Variants in CPB1 observed in about 807,000 individuals in gnomAD.
CPB1 encodes carboxypeptidase B.
A neutral mutation model predicts 51.4 loss-of-function variants in CPB1; 53 were observed. The ratio of observed to expected loss-of-function variants is 1.03; its 90% CI spans 0.83 to 1.30. The LOEUF is 1.30. CPB1 is among the 50% of genes most tolerant of loss of function. The pLI is 0.00. For missense variants in CPB1, 494 were observed against 516.2 expected (o/e 0.96, Z 0.42); for synonymous variants, 189 against 186.9 (o/e 1.01, Z -0.09).
chr3:148,850,291 TTTG>T (rs1713385495), intron 9 of CPB1, among the ~76,000 whole-genome samples: 2 of 150,808 alleles, frequency 1.3e-5, no homozygotes, highest in African/African-American at 4.9e-5. Context: ...GTTTTTTTTG[TTTG>T]TTTGTTTGTT....
chr3:148,852,984 G>C (rs1207111214), intron 9 of CPB1, among the ~76,000 whole-genome samples: 1 of 152,072 alleles, frequency 6.6e-6, no homozygotes, highest in Non-Finnish European at 1.5e-5. Context: ...TAGACCGTAA[G>C]GGCTTCTTCT....
rs554221035 is a variant in CPB1 at position 148,860,080 on chromosome 3, C to T, written c.*78C>T. The T allele has an allele frequency of 8.9e-6, 13 of 1,454,190 alleles. No individual in the cohort carries two copies. In the South Asian group the frequency reaches 1.7e-4, roughly 19 times the overall value. The allele number at this position is 1,454,190 out of a possible 1,614,324, so 90.1% of individuals were successfully genotyped here. On this transcript the variant is annotated 3_prime_UTR_variant, in exon 11 of 11. Transcript: ENST00000282957. The stretch of plus-strand genomic sequence containing the variant: ...TTCTTGAATTCTTATTTTGGTTTGC[C>T]TGGATGTTTTGCAGATCCCAATCTT...
chr3:148,860,152 T>C lies in CPB1; in HGVS notation c.*150T>C, dbSNP rs936656961. The stretch of plus-strand genomic sequence containing the variant: ...TTAAACTAGGTAGATCTTTTCGTAT[T>C]GATCATAATAAAAGTGAATCATTAC... On this transcript the variant is annotated 3_prime_UTR_variant, in exon 11 of 11. Transcript: ENST00000282957. 5.8e-6 allele frequency: 4 copies of C among 693,302 alleles called. No homozygotes were observed. The Admixed American group carries it at 8.8e-5, about 15-fold the overall frequency. The allele number at this position is 693,302 out of a possible 1,614,324, so 42.9% of individuals were successfully genotyped here.
At chr3:148,840,818 CT>C in intron 4 of CPB1, 33 bp downstream of exon 4, 1 of 1,613,346 alleles carries the variant, frequency 6.2e-7, no homozygotes, top group South Asian at 1.1e-5. Context: ...ACAGATATTA[CT>C]TTGGGAATTG....
chr3:148,834,432 T>G, intron 2 of CPB1, 66 bp from the exon 3 acceptor site: 1 of 1,412,522 alleles, frequency 7.1e-7, no homozygotes, highest in Admixed American at 1.7e-5. Context: ...AGAGCAATAA[T>G]GTGCTCGCAG....
intron 2 of CPB1, among the ~76,000 whole-genome samples, chr3:148,833,660 C>T (rs1164624825): frequency 1.3e-5 from 2 of 152,010 alleles, no homozygotes; most frequent in Non-Finnish European, 2.9e-5. Flanking sequence ...AAGAGAATAA[C>T]AGACACCTAC....
In CPB1 at chr3:148,857,448, C is replaced by A. The variant is rs758209559; in HGVS notation, c.982-9C>A. Reference sequence around the variant, plus strand: ...TTTATTTCCTTACTTATTCCTGTTTCTTTTGCAGAATGCCCTGGCTAAAGC... The same window carrying A: ...TTTATTTCCTTACTTATTCCTGTTTATTTTGCAGAATGCCCTGGCTAAAGC... On this transcript the variant is annotated splice_polypyrimidine_tract_variant and intron_variant, in intron 9 of 10. Transcript: ENST00000282957. 2.7e-5 allele frequency: 43 copies of A among 1,611,284 alleles called. No homozygotes were observed. The highest frequency in any genetic ancestry group is 3.6e-5 in the Non-Finnish European group (42 of 1,177,718).
chr3:148,842,075 C>A, intron 6 of CPB1, 151 bp downstream of exon 6: 1 of 629,352 alleles, frequency 1.6e-6, no homozygotes, highest in Non-Finnish European at 2.8e-6. Context: ...CACCAACAGA[C>A]CTTTATAAGG....
chr3:148,842,060 A>T, intron 6 of CPB1, 136 bp downstream of exon 6: 1 of 653,424 alleles, frequency 1.5e-6, no homozygotes, highest in Admixed American at 2.8e-5. Flanking sequence ...ATTAGTTTCA[A>T]CTTCCACCAA....
At chr3:148,839,555 A>G (rs1713015302) in intron 3 of CPB1, among the ~76,000 whole-genome samples, 1 of 152,152 alleles carries the variant, frequency 6.6e-6, no homozygotes, top group Non-Finnish European at 1.5e-5. Context: ...GACCTTAAGA[A>G]AGTGTTTATC....
At chr3:148,851,868 T>A (rs1713441234) in intron 9 of CPB1, 1 of 152,210 alleles carries the variant, frequency 6.6e-6, no homozygotes, top group Admixed American at 6.5e-5. Context: ...ATGAATCCTG[T>A]GTCACAGTGG....
Position 148,859,804 on chromosome 3 carries a change from G to C in CPB1, c.1067-11G>C. The C allele has an allele frequency of 6.2e-7, 1 of 1,601,076 alleles. No individual in the cohort carries two copies. Among genetic ancestry groups the C allele is most frequent in the Non-Finnish European group, 8.5e-7 (1 of 1,172,962 alleles). Reference sequence around the variant, plus strand: ...TTAAAGTTTTTTTTCACTGCTGTTTGCACATTTCAGATCCTGCTGCTGGGG... The same window carrying C: ...TTAAAGTTTTTTTTCACTGCTGTTTCCACATTTCAGATCCTGCTGCTGGGG... On this transcript the variant is annotated splice_polypyrimidine_tract_variant and intron_variant, in intron 10 of 10. Coordinates refer to ENST00000282957, the MANE Select transcript of CPB1 (RefSeq NM_001871.3).
At chr3:148,843,382 T>C (rs1713146979) in intron 6 of CPB1, among the ~76,000 whole-genome samples, 1 of 151,964 alleles carries the variant, frequency 6.6e-6, no homozygotes, top group Non-Finnish European at 1.5e-5. Flanking sequence ...ATAATATTAT[T>C]ATATACAACA....
Position 148,853,497 on chromosome 3 carries a change from T to C in CPB1, c.982-3960T>C, listed in dbSNP as rs1299436391. Among the ~76,000 whole-genome samples, 5 of 152,236 alleles carry C rather than the reference T, an allele frequency of 3.3e-5. No homozygotes were observed. The East Asian group carries it at 9.6e-4, about 29-fold the overall frequency. On this transcript the variant is annotated intron_variant, in intron 9 of 10. Coordinates refer to ENST00000282957, the MANE Select transcript of CPB1 (RefSeq NM_001871.3). ...GGGCTACGAGCTAGATGTGACATTT[T>C]AGACTCTCTCTGTCTTTTGCTCTAG... is the stretch of plus-strand genomic sequence containing the variant.
At position 148,859,792 on chromosome 3, in the gene CPB1, T is replaced by G. The variant is rs773127459; in HGVS notation, c.1067-23T>G. ...TCCTTCCTAGATTTAAAGTTTTTTT[T>G]CACTGCTGTTTGCACATTTCAGATC... On this transcript the variant is annotated intron_variant, in intron 10 of 10. Transcript: ENST00000282957. 1.9e-6 allele frequency: 3 copies of G among 1,559,680 alleles called. No homozygotes were observed. In the East Asian group the frequency reaches 6.8e-5, roughly 35 times the overall value.
At chr3:148,850,756 A>T (rs987327383) in intron 9 of CPB1, among the ~76,000 whole-genome samples, 2 of 152,204 alleles carry the variant, frequency 1.3e-5, no homozygotes, top group Non-Finnish European at 2.9e-5. Context: ...ACCCATGCAC[A>T]TCACTCATCA....
At chr3:148,832,435 TC>T (rs1219217765) in intron 2 of CPB1, among the ~76,000 whole-genome samples, 4 of 151,578 alleles carry the variant, frequency 2.6e-5, no homozygotes, top group African/African-American at 9.7e-5. Context: ...TAATACAGGC[TC>T]TTCCAAAGCA....
At chr3:148,852,827 G>A (rs993457039) in intron 9 of CPB1, among the ~76,000 whole-genome samples, 2 of 152,234 alleles carry the variant, frequency 1.3e-5, no homozygotes, top group East Asian at 3.9e-4. Flanking sequence ...CACACTCCCC[G>A]TGGGCTCTGT....
chr3:148,844,911 C>T, intron 8 of CPB1, 144 bp downstream of exon 8: 7 of 703,080 alleles, frequency 1.0e-5, no homozygotes, highest in Non-Finnish European at 1.6e-5. Context: ...AAAAAAAAAA[C>T]CAGTTTAATT....
Sources: gnomAD v4.1 joint callset for allele counts (sites outside exome capture counted in the v4.1 genomes callset) on GRCh38, gnomAD v4.1.1 for gene constraint, MANE v1.5 for transcripts, NCBI Gene and HGNC (gene_info 2026-07-23, HGNC 2026-07-21) for gene names.